The following UBE2A variants were observed in gnomAD, a reference collection of about 807,000 sequenced individuals.
The protein encoded by UBE2A is ubiquitin conjugating enzyme E2 A.
For missense variants in UBE2A, 27 were observed against 125.8 expected, an observed-to-expected ratio of 0.21 and a Z score of 3.76; for synonymous variants, 39 against 41.1, an observed-to-expected ratio of 0.95 and a Z score of 0.20.
intron 3 of UBE2A, among the ~76,000 whole-genome samples, chrX:119,575,979 A>T (rs753677942): frequency 5.4e-5 from 6 of 111,999 alleles, no homozygotes; most frequent in African/African-American, 1.9e-4. Flanking sequence ...TTTTAAGTGA[A>T]TTTGCAGTGT....
chrX:119,582,705 T>A, intron 5 of UBE2A, 29 bp downstream of exon 5: 1 of 1,022,520 alleles, frequency 9.8e-7, no homozygotes, highest in Non-Finnish European at 1.4e-6. Context: ...TGACGAACTA[T>A]AACTTTTAAT....
Position 119,583,252 on chromosome X carries a change from T to C in UBE2A, c.456T>C (p.Cys152=), listed in dbSNP as rs1332506851. The part of the protein sequence containing the change: ...SAIVEQSWRD[C] The stretch of plus-strand genomic sequence containing the variant: ...TAGTAGAACAAAGCTGGCGTGATTG[T>C]TGACCCCGGGTACAGTTTAAAGAAG... The change falls in exon 6 of 6, where the codon TGT becomes TGC. Residue 152 remains cysteine (C), a synonymous_variant. Transcript: ENST00000371558. 6 of 1,210,058 alleles carry C rather than the reference T, an allele frequency of 5.0e-6. No homozygotes were observed. Among genetic ancestry groups the C allele is most frequent in the Non-Finnish European group, 6.7e-6 (6 of 895,299 alleles).
At chrX:119,577,606 C>T (rs2053424014) in intron 3 of UBE2A, among the ~76,000 whole-genome samples, 1 of 104,740 alleles carries the variant, frequency 9.5e-6, no homozygotes, top group African/African-American at 3.5e-5. Flanking sequence ...ACACTGTGGC[C>T]TGTGGTTCCC....
chrX:119,575,183 G>T (rs2053407376), intron 2 of UBE2A, 192 bp from the exon 3 acceptor site: 2 of 741,321 alleles, frequency 2.7e-6, no homozygotes, highest in Admixed American at 2.7e-5. Context: ...TTCTAGGGGG[G>T]CGGGGCGGGG....
At chrX:119,579,516 C>T (rs1047823130) in intron 3 of UBE2A, among the ~76,000 whole-genome samples, 2 of 111,442 alleles carry the variant, frequency 1.8e-5, no homozygotes, top group Non-Finnish European at 3.8e-5. Context: ...GCATATTCCT[C>T]TCATTTAAAC....
At position 119,575,176 on chromosome X, in the gene UBE2A, TA is replaced by T; in HGVS notation, c.125+196del. ...TGCCAGGGGGAACCGCTTGGGGTTC[TA>T]GGGGGGCGGGGCGGGGAGTGGTGGC... is the stretch of plus-strand genomic sequence containing the variant. On this transcript the variant is annotated intron_variant, in intron 2 of 5. Transcript: ENST00000371558. 3 of 744,268 alleles carry T rather than the reference TA, an allele frequency of 4.0e-6. No homozygotes were observed. The South Asian group carries it at 7.3e-5, about 18-fold the overall frequency. 61.3% of individuals were successfully genotyped at this position (744,268 alleles called of 1,213,427 possible).
chrX:119,575,940 C>T (rs889145873), intron 3 of UBE2A: 2 of 116,654 alleles, frequency 1.7e-5, no homozygotes, highest in Non-Finnish European at 3.6e-5. Flanking sequence ...GTCTTAAATG[C>T]CTCATTTGAG....
chrX:119,578,083 C>G (rs2053429907), intron 3 of UBE2A, among the ~76,000 whole-genome samples: 1 of 111,755 alleles, frequency 8.9e-6, no homozygotes, highest in Admixed American at 9.5e-5. Flanking sequence ...ACTACTTTTG[C>G]TTCTTTGTTG....
intron 3 of UBE2A, 175 bp from the exon 4 acceptor site, chrX:119,581,332 A>T: frequency 2.8e-6 from 1 of 357,447 alleles, no homozygotes; most frequent in Admixed American, 5.1e-5. Context: ...AAAAAATCAC[A>T]TTTGAGTAGT....
chrX:119,577,636 T>C (rs980706856), intron 3 of UBE2A, among the ~76,000 whole-genome samples: 1 of 6,456 alleles, frequency 1.5e-4, no homozygotes, highest in African/African-American at 1.1e-3. Flanking sequence ...AAATTTTAGC[T>C]TTTTTTTTTT....
intron 3 of UBE2A, among the ~76,000 whole-genome samples, chrX:119,576,584 T>C (rs931344038): frequency 1.5e-4 from 17 of 111,951 alleles, no homozygotes; most frequent in African/African-American, 4.5e-4. Flanking sequence ...TACATACTTA[T>C]GTTGCTGAGC....
intron 3 of UBE2A, among the ~76,000 whole-genome samples, chrX:119,576,038 A>G (rs962154487): frequency 1.8e-5 from 2 of 112,365 alleles, no homozygotes; most frequent in Admixed American, 9.5e-5. Flanking sequence ...CAGCTTCACA[A>G]TTGAAGTTAG....
At chrX:119,576,277 T>A (rs1158934103) in intron 3 of UBE2A, among the ~76,000 whole-genome samples, 5 of 111,759 alleles carry the variant, frequency 4.5e-5, no homozygotes, top group Non-Finnish European at 9.4e-5. Context: ...TCCCATTTGG[T>A]AACATCTTGA....
At chrX:119,576,527 A>ACG (rs2053417310) in intron 3 of UBE2A, among the ~76,000 whole-genome samples, 1 of 109,677 alleles carries the variant, frequency 9.1e-6, no homozygotes, top group African/African-American at 3.4e-5. Flanking sequence ...ACACACACAC[A>ACG]CTTCAGTTTG....
chrX:119,582,024 A>T (rs1412964294), intron 4 of UBE2A, among the ~76,000 whole-genome samples: 1 of 112,494 alleles, frequency 8.9e-6, no homozygotes, highest in African/African-American at 3.2e-5. Flanking sequence ...AATGAATAGG[A>T]TTCTGTTGTT....
chrX:119,582,670 C>G lies in UBE2A; in HGVS notation c.324C>G (p.Ser108=). The G allele has an allele frequency of 8.3e-7, 1 of 1,197,952 alleles. No individual in the cohort carries two copies. Among genetic ancestry groups the G allele is most frequent in the Non-Finnish European group, 1.1e-6 (1 of 883,346 alleles). Reference sequence around the variant, plus strand: ...ATGATGTGTCTTCCATTCTAACATCCATACAGGTGAATTTTTCCTTAATGT... The same window carrying G: ...ATGATGTGTCTTCCATTCTAACATCGATACAGGTGAATTTTTCCTTAATGT... The part of the protein sequence containing the change: ...PTYDVSSILT[S]IQSLLDEPNP... The change falls in exon 5 of 6, where the codon TCC becomes TCG. Residue 108 remains serine, a synonymous_variant. Coordinates refer to ENST00000371558, the MANE Select transcript of UBE2A (RefSeq NM_003336.4).
At chrX:119,582,473 C>T (rs181464101) in intron 4 of UBE2A, 115 bp from the exon 5 acceptor site, 1 of 491,873 alleles carries the variant, frequency 2.0e-6, no homozygotes, top group East Asian at 3.9e-5. Flanking sequence ...TGGGAAGCAA[C>T]ATAGGAATCT....
At chrX:119,581,180 G>A (rs2053448053) in intron 3 of UBE2A, 1 of 160,009 alleles carries the variant, frequency 6.2e-6, no homozygotes, top group Admixed American at 8.0e-5. Flanking sequence ...GAGGTCTTTT[G>A]GTCTTCTAAA....
intron 4 of UBE2A, among the ~76,000 whole-genome samples, chrX:119,582,096 G>C (rs1267613183): frequency 8.9e-6 from 1 of 112,278 alleles, no homozygotes; most frequent in East Asian, 2.8e-4. Flanking sequence ...TAACCACTTT[G>C]CACTTTTTAA....
Sources: allele counts gnomAD v4.1 joint callset (sites outside exome capture counted in the v4.1 genomes callset), GRCh38; gene constraint gnomAD v4.1.1; transcripts MANE v1.5; gene names NCBI Gene and HGNC (gene_info 2026-07-23, HGNC 2026-07-21).